The following WASF3 variants were observed in gnomAD, a reference collection of about 807,000 sequenced individuals.
WASF3 encodes actin-binding protein WASF3.
A neutral mutation model predicts 46.6 loss-of-function variants in WASF3; 11 were observed. The observed-to-expected ratio is 0.24, with a 90% CI of 0.15 to 0.39. The LOEUF (loss-of-function observed/expected upper bound fraction) is 0.39. Ranked by LOEUF, WASF3 falls within the 10% of genes least tolerant of loss-of-function variation. WASF3 has a pLI of 1.00. For synonymous variants in WASF3, 242 were observed against 259.7 expected (o/e 0.93, Z 0.65); for missense variants, 576 against 669.8 (o/e 0.86, Z 1.55).
chr13:26,602,967 A>T (rs1880685231), intron 1 of WASF3, among the ~76,000 whole-genome samples: 1 of 152,234 alleles, frequency 6.6e-6, no homozygotes, highest in African/African-American at 2.4e-5. Flanking sequence ...ACCCGTTGGT[A>T]TCCAACAGAT....
chr13:26,647,027 G>A (rs888949111), intron 3 of WASF3, among the ~76,000 whole-genome samples: 3 of 152,258 alleles, frequency 2.0e-5, no homozygotes, highest in Admixed American at 2.0e-4. Flanking sequence ...TTTTAGCTCT[G>A]GATATGCTCT....
rs1028524829 is a variant in WASF3 at position 26,687,074 on chromosome 13, C to G, written c.*1229C>G. On this transcript the variant is annotated 3_prime_UTR_variant, in exon 10 of 10. Coordinates refer to ENST00000335327, the MANE Select transcript of WASF3 (RefSeq NM_006646.6). Reference sequence around the variant, plus strand: ...GTAGTACAGTGCTGTGCCCTCACCTCCACCCTTCCTGTTGTTCCCACGTGG... The same window carrying G: ...GTAGTACAGTGCTGTGCCCTCACCTGCACCCTTCCTGTTGTTCCCACGTGG... 6.6e-6 allele frequency: 1 copy of G among 152,216 alleles called. No individual in the cohort carries two copies. Among genetic ancestry groups the G allele is most frequent in the Non-Finnish European group, 1.5e-5 (1 of 68,060 alleles). The allele number at this position is 152,216 out of a possible 1,614,324, so 9.4% of individuals were successfully genotyped here. A position where few individuals can be genotyped will look rare whatever the true frequency, so the allele number is the denominator to read the frequency against.
intron 1 of WASF3, among the ~76,000 whole-genome samples, chr13:26,581,131 C>T (rs1879967992): frequency 6.6e-6 from 1 of 151,964 alleles, no homozygotes; most frequent in Admixed American, 6.6e-5. Context: ...GGGGTTTTGC[C>T]ATGTTGCCCA....
rs1294584937 is a variant in WASF3 at position 26,679,667 on chromosome 13, G to A, written c.717-1387G>A. On this transcript the variant is annotated intron_variant, in intron 7 of 9. Coordinates refer to ENST00000335327, the MANE Select transcript of WASF3 (RefSeq NM_006646.6). This position sits in a 1 kb window ranked among gnomAD's most constrained non-coding sequence, Gnocchi z 4.8. ...GCACACATCATCAGTGTCTCCAAGG[G>A]TTATAGGAATTTACATTTTTAAAAT... is the stretch of plus-strand genomic sequence containing the variant. Among the ~76,000 whole-genome samples, 4 of 152,162 alleles carry A rather than the reference G, an allele frequency of 2.6e-5. No homozygotes were observed. Among genetic ancestry groups the A allele is most frequent in the Admixed American group, 2.6e-4 (4 of 15,282 alleles).
intron 1 of WASF3, among the ~76,000 whole-genome samples, chr13:26,562,857 T>TCC (rs1879337776): frequency 1.0e-5 from 1 of 96,700 alleles, no homozygotes; most frequent in African/African-American, 4.4e-5. Context: ...CCCTCCCCTC[T>TCC]CCTCCCCTCC....
chr13:26,604,789 G>T (rs1178757479), intron 1 of WASF3, among the ~76,000 whole-genome samples: 1 of 152,154 alleles, frequency 6.6e-6, no homozygotes, highest in Admixed American at 6.5e-5. Context: ...TTGTTTCAAG[G>T]TTTAAACTGT....
intron 1 of WASF3, among the ~76,000 whole-genome samples, chr13:26,571,014 G>T (rs1879616986): frequency 6.6e-6 from 1 of 152,094 alleles, no homozygotes; most frequent in African/African-American, 2.4e-5. Context: ...AAATCTTTGT[G>T]TAGTTTAATT....
chr13:26,554,617 A>G (rs1187741597), upstream of WASF3, among the ~76,000 whole-genome samples: 1 of 152,224 alleles, frequency 6.6e-6, no homozygotes, highest in Non-Finnish European at 1.5e-5. Context: ...TGCCTTTTCC[A>G]GAATGAATAT....
chr13:26,646,268 G>A (rs548311655), intron 3 of WASF3, among the ~76,000 whole-genome samples: 1 of 152,084 alleles, frequency 6.6e-6, no homozygotes, highest in Admixed American at 6.6e-5. Flanking sequence ...AAAGTTGTTA[G>A]GAAGAATAAG....
At chr13:26,661,577 A>G (rs950492505) in intron 3 of WASF3, among the ~76,000 whole-genome samples, 10 of 152,216 alleles carry the variant, frequency 6.6e-5, no homozygotes, top group African/African-American at 2.4e-4. Context: ...TTCTGTGAAC[A>G]TAGGTATGCA....
In WASF3 at chr13:26,676,662, C is replaced by T; in HGVS notation, c.654C>T (p.Asn218=). Reference sequence around the variant, plus strand: ...ATGACAAAGAGCTTAGACCCGACAACAGGTTGTCTCAGAGTGTGTACCATG... The same window carrying T: ...ATGACAAAGAGCTTAGACCCGACAATAGGTTGTCTCAGAGTGTGTACCATG... ...MAYDKELRPD[N]RLSQSVYHGA... is the part of the protein sequence containing the mutation. Residue 218 remains asparagine, a synonymous_variant, in exon 7 of 10, where the codon AAC becomes AAT. Transcript: ENST00000335327. 6.2e-7 allele frequency: 1 copy of T among 1,614,186 alleles called. No individual in the cohort carries two copies. The highest frequency in any genetic ancestry group is 1.6e-4 in the Middle Eastern group (1 of 6,062).
chr13:26,623,493 G>A (rs567615517), intron 2 of WASF3, among the ~76,000 whole-genome samples: 3 of 152,278 alleles, frequency 2.0e-5, no homozygotes, highest in East Asian at 3.9e-4. Context: ...CTTCTGGGAC[G>A]AAGGGTAATT....
chr13:26,616,946 C>G (rs541342334), intron 2 of WASF3, among the ~76,000 whole-genome samples: 1 of 152,108 alleles, frequency 6.6e-6, no homozygotes, highest in Non-Finnish European at 1.5e-5. Context: ...AAAATGCTGG[C>G]GACAATTCAC....
intron 1 of WASF3, among the ~76,000 whole-genome samples, chr13:26,565,825 G>C (rs1169362374): frequency 6.6e-6 from 1 of 152,178 alleles, no homozygotes; most frequent in Admixed American, 6.5e-5. Context: ...CTTGATGCCT[G>C]AGCTATAATT....
At chr13:26,604,301 T>C in intron 1 of WASF3, among the ~76,000 whole-genome samples, 1 of 152,184 alleles carries the variant, frequency 6.6e-6, no homozygotes, top group Non-Finnish European at 1.5e-5. Flanking sequence ...TAAGTTGTTA[T>C]TAATAAATTG....
At chr13:26,567,223 A>AT (rs1879492538) in intron 1 of WASF3, among the ~76,000 whole-genome samples, 1 of 152,246 alleles carries the variant, frequency 6.6e-6, no homozygotes, top group African/African-American at 2.4e-5. Flanking sequence ...ATTCAGGAAT[A>AT]TAAGTGATCT....
At position 26,669,143 on chromosome 13, in the gene WASF3, C is replaced by T. The variant is rs540946248; in HGVS notation, c.422+1473C>T. Among the ~76,000 whole-genome samples the T allele has an allele frequency of 1.3e-4, 20 of 149,968 alleles. No homozygotes were observed. The South Asian group carries it at 4.2e-3, about 32-fold the overall frequency. On this transcript the variant is annotated intron_variant, in intron 5 of 9. Transcript: ENST00000335327. Reference sequence around the variant, plus strand: ...ATTTATAGTATGAAAACTGATTTGACTTTCACATATATATGTGTGTGTGTG... The same window carrying T: ...ATTTATAGTATGAAAACTGATTTGATTTTCACATATATATGTGTGTGTGTG...
At chr13:26,639,154 C>A (rs1371268604) in intron 2 of WASF3, among the ~76,000 whole-genome samples, 2 of 152,268 alleles carry the variant, frequency 1.3e-5, no homozygotes, top group African/African-American at 4.8e-5. Flanking sequence ...AATTTGAAAA[C>A]CATAAAAATC....
chr13:26,539,349 A>T, the WASF3 span, among the ~76,000 whole-genome samples: 1 of 152,170 alleles, frequency 6.6e-6, no homozygotes, highest in South Asian at 2.1e-4. Flanking sequence ...TGGAAAAATG[A>T]GAGAGAAGGA....
Sources: allele counts gnomAD v4.1 joint callset (sites outside exome capture counted in the v4.1 genomes callset), GRCh38; gene constraint gnomAD v4.1.1; non-coding constraint Gnocchi (gnomAD v3.1); transcripts MANE v1.5; gene names NCBI Gene and HGNC (gene_info 2026-07-23, HGNC 2026-07-21).